Variants in WDR27 observed in about 807,000 individuals in gnomAD.
The protein encoded by WDR27 is WD repeat domain 27, also known as WD repeat-containing protein 27.
In WDR27, 100 loss-of-function variants were observed where a neutral mutation model predicts 114.4. The ratio of observed to expected loss-of-function variants is 0.87; its 90% CI spans 0.74 to 1.03. The LOEUF is 1.03. Among genes scored for constraint, WDR27 ranks in the 50% least tolerant of loss-of-function variants. The pLI, the probability that WDR27 is intolerant of heterozygous loss-of-function variation, is 0.00. For missense variants in WDR27, 1,129 were observed against 1,092.9 expected (o/e 1.03, Z -0.47); for synonymous variants, 449 against 423.1 (o/e 1.06, Z -0.75).
chr6:169,554,189 G>A (rs910898494), intron 25 of WDR27, among the ~76,000 whole-genome samples: 4 of 152,180 alleles, frequency 2.6e-5, no homozygotes, highest in East Asian at 1.9e-4. Context: ...GGTCATGCCC[G>A]GGTTCTAGTT....
At chr6:169,686,425 C>G (rs1338312624) in intron 2 of WDR27, among the ~76,000 whole-genome samples, 2 of 152,050 alleles carry the variant, frequency 1.3e-5, no homozygotes, top group African/African-American at 4.8e-5. Context: ...ATCAATAACC[C>G]TGAATGTAAA....
chr6:169,635,735 C>T (rs1050874028), intron 19 of WDR27, among the ~76,000 whole-genome samples: 1 of 152,186 alleles, frequency 6.6e-6, no homozygotes, highest in East Asian at 1.9e-4. Context: ...AAACTGAAGG[C>T]ACACATCTCA....
intron 25 of WDR27, among the ~76,000 whole-genome samples, chr6:169,507,544 T>C (rs1042981102): frequency 4.6e-5 from 7 of 152,166 alleles, no homozygotes; most frequent in Non-Finnish European, 7.4e-5. Context: ...TTGGAGCTCC[T>C]AGATCCCTCA....
intron 25 of WDR27, among the ~76,000 whole-genome samples, chr6:169,458,313 G>A (rs962020129): frequency 1.3e-5 from 2 of 152,096 alleles, no homozygotes; most frequent in East Asian, 1.9e-4. Flanking sequence ...TCTGATCAGC[G>A]ATGGATGCTT....
chr6:169,698,376 G>A (rs1283642681), intron 1 of WDR27, among the ~76,000 whole-genome samples: 1 of 152,060 alleles, frequency 6.6e-6, no homozygotes. Flanking sequence ...GGAGGGTCTG[G>A]TGCAGGCAGA....
intron 22 of WDR27, among the ~76,000 whole-genome samples, chr6:169,602,864 A>G (rs2494681): frequency 0.9 from 134,977 of 150,700 alleles, 60,998 homozygotes; most frequent in East Asian, 0.99. Context: ...TTGAGATTGA[A>G]TCTCACTCTG....
intron 25 of WDR27, among the ~76,000 whole-genome samples, chr6:169,556,619 T>C (rs1798923217): frequency 6.6e-6 from 1 of 152,204 alleles, no homozygotes; most frequent in South Asian, 2.1e-4. Flanking sequence ...AATTAAAAAC[T>C]AGATTTCATA....
chr6:169,595,141 G>C (rs1340866327), intron 23 of WDR27, among the ~76,000 whole-genome samples: 3 of 152,192 alleles, frequency 2.0e-5, no homozygotes, highest in African/African-American at 4.8e-5. Flanking sequence ...ACTTCAGCCT[G>C]GGCTAACAGA....
At chr6:169,603,389 A>T (rs728565) in intron 22 of WDR27, among the ~76,000 whole-genome samples, 142,905 of 152,142 alleles carry the variant, frequency 0.94, 67,190 homozygotes, top group East Asian at 0.99. Flanking sequence ...ATTGATTTTT[A>T]AATTTTTACA....
chr6:169,577,525 C>T (rs1411730428), intron 24 of WDR27, among the ~76,000 whole-genome samples: 1 of 152,036 alleles, frequency 6.6e-6, no homozygotes, highest in Non-Finnish European at 1.5e-5. Flanking sequence ...GGAGGACGGG[C>T]GGGGAGATGG....
At chr6:169,445,145 A>G in the WDR27 span, among the ~76,000 whole-genome samples, 1 of 152,220 alleles carries the variant, frequency 6.6e-6, no homozygotes, top group Non-Finnish European at 1.5e-5. Flanking sequence ...TCACTGTAGG[A>G]AAAGCAAAAG....
intron 25 of WDR27, among the ~76,000 whole-genome samples, chr6:169,511,095 G>C (rs1018499728): frequency 6.6e-6 from 1 of 152,132 alleles, no homozygotes; most frequent in Non-Finnish European, 1.5e-5. Context: ...TCAATCTCAA[G>C]CCACAGTTCC....
intron 25 of WDR27, among the ~76,000 whole-genome samples, chr6:169,458,728 A>C (rs1490364991): frequency 4.6e-5 from 7 of 151,682 alleles, no homozygotes; most frequent in Non-Finnish European, 1.0e-4. Flanking sequence ...GGGAGATTCC[A>C]GTGAGCCAAG....
rs1388667469 is a variant in WDR27 at position 169,530,634 on chromosome 6, G to A, written c.2645+41785C>T. Among the ~76,000 whole-genome samples, 46 of 152,184 alleles carry A rather than the reference G, an allele frequency of 3.0e-4. 1 individual carries two copies. Among genetic ancestry groups the A allele is most frequent in the Admixed American group, 2.8e-3 (43 of 15,274 alleles). On this transcript the variant is annotated intron_variant, in intron 25 of 25. Transcript: ENST00000448612. ...CCCACGTTACATAGGAGACTGCAAC[G>A]CATGGAGGTGGCCGATGTTTATGGC...
At chr6:169,510,496 C>T (rs991030058) in intron 25 of WDR27, among the ~76,000 whole-genome samples, 12 of 152,162 alleles carry the variant, frequency 7.9e-5, no homozygotes, top group African/African-American at 2.9e-4. Flanking sequence ...ATGGATGAAG[C>T]TGGGAACCAT....
Position 169,662,301 on chromosome 6 carries a change from T to TA in WDR27, c.1025+2dup, listed in dbSNP as rs753131966. The TA allele has an allele frequency of 8.7e-6, 14 of 1,613,072 alleles. No individual in the cohort carries two copies. The highest frequency in any genetic ancestry group is 1.3e-5 in the African/African-American group (1 of 74,930). On this transcript the variant is annotated splice_region_variant and intron_variant, in intron 9 of 25. Coordinates refer to ENST00000448612, the MANE Select transcript of WDR27 (RefSeq NM_182552.5). ...TGGCATAGGCAAAGTTTTTGATACTTACCATCCACATGCAGAATTTGGGAT... is the reference window on the plus strand; with the variant it reads ...TGGCATAGGCAAAGTTTTTGATACTTAACCATCCACATGCAGAATTTGGGAT...
chr6:169,596,696 A>T (rs1158762062), intron 23 of WDR27, among the ~76,000 whole-genome samples: 1 of 152,086 alleles, frequency 6.6e-6, no homozygotes, highest in Non-Finnish European at 1.5e-5. Flanking sequence ...TAGAGAGAGA[A>T]GATAGGTAAT....
At chr6:169,482,051 C>T (rs989724004) in intron 25 of WDR27, among the ~76,000 whole-genome samples, 10 of 152,200 alleles carry the variant, frequency 6.6e-5, no homozygotes, top group East Asian at 1.9e-4. Flanking sequence ...ATGCAGTGTT[C>T]GGTTTTCTGT....
intron 24 of WDR27, among the ~76,000 whole-genome samples, chr6:169,579,371 T>C (rs1802984942): frequency 6.6e-6 from 1 of 152,128 alleles, no homozygotes; most frequent in Non-Finnish European, 1.5e-5. Flanking sequence ...TTAAGTTAAA[T>C]TTATAGAGAG....
Sources: gnomAD v4.1 joint callset for allele counts (sites outside exome capture counted in the v4.1 genomes callset) on GRCh38, gnomAD v4.1.1 for gene constraint, MANE v1.5 for transcripts, NCBI Gene and HGNC (gene_info 2026-07-23, HGNC 2026-07-21) for gene names.